The following CERS6 variants were observed in gnomAD, a reference collection of about 807,000 sequenced individuals.
The protein encoded by CERS6 is ceramide synthase 6, also known as LAG1 homolog, ceramide synthase 6.
In CERS6, 26 loss-of-function variants were observed where a neutral mutation model predicts 56.8. That is an observed-to-expected ratio of 0.46 (90% confidence interval 0.34 to 0.63). The LOEUF is 0.63. Ranked by LOEUF, CERS6 falls within the 30% of genes least tolerant of loss-of-function variation. The probability of loss-of-function intolerance (pLI) is 0.01; values close to 1 mark genes in which losing one functional copy is unlikely to be tolerated. For missense variants in CERS6, 415 were observed against 467.5 expected, an observed-to-expected ratio of 0.89 and a Z score of 1.04; for synonymous variants, 164 against 173.3, an observed-to-expected ratio of 0.95 and a Z score of 0.42.
rs74393287 is a variant in CERS6 at position 168,626,831 on chromosome 2, G to A, written c.408-4154G>A. 9.6e-3 allele frequency among the ~76,000 whole-genome samples: 1,462 copies of A among 152,198 alleles called. 10 individuals are homozygous for A. The highest frequency in any genetic ancestry group is 0.027 in the Middle Eastern group (8 of 294). On this transcript the variant is annotated intron_variant, in intron 3 of 9. Transcript: ENST00000305747. ...TTCTGGGAATTGGTGGTCCTTCTGA[G>A]CATCCTCCACAGATCGTTTAGGATT...
chr2:168,528,336 G>T (rs1466443759), intron 1 of CERS6, among the ~76,000 whole-genome samples: 1 of 152,118 alleles, frequency 6.6e-6, no homozygotes, highest in Non-Finnish European at 1.5e-5. Flanking sequence ...CTCTAGTGGG[G>T]GGCTGCCCCC....
intron 2 of CERS6, among the ~76,000 whole-genome samples, chr2:168,548,657 C>A (rs1465625016): frequency 1.3e-5 from 2 of 152,126 alleles, no homozygotes; most frequent in African/African-American, 4.8e-5. Context: ...TATTTCTTTT[C>A]TTGGTATTTG....
chr2:168,698,206 G>A (rs190241490), intron 6 of CERS6, among the ~76,000 whole-genome samples: 22 of 148,316 alleles, frequency 1.5e-4, no homozygotes, highest in Admixed American at 1.1e-3. Context: ...CACTCCAGCC[G>A]GGGTGATAGA....
intron 6 of CERS6, among the ~76,000 whole-genome samples, chr2:168,713,312 TAG>T (rs932008367): frequency 6.6e-6 from 1 of 151,934 alleles, no homozygotes; most frequent in Non-Finnish European, 1.5e-5. Context: ...CTGTCTCCCC[TAG>T]AGAGAGAGAG....
chr2:168,622,396 G>C (rs1684493521), intron 3 of CERS6, among the ~76,000 whole-genome samples: 1 of 152,134 alleles, frequency 6.6e-6, no homozygotes, highest in Non-Finnish European at 1.5e-5. Flanking sequence ...TACCTTCTCT[G>C]TTCTTTACTC....
At chr2:168,647,661 C>T (rs1043784080) in intron 4 of CERS6, among the ~76,000 whole-genome samples, 1 of 152,068 alleles carries the variant, frequency 6.6e-6, no homozygotes, top group Non-Finnish European at 1.5e-5. Flanking sequence ...TCATAGATGG[C>T]TCTTATTATT....
chr2:168,475,569 A>G (rs535499875), intron 1 of CERS6, among the ~76,000 whole-genome samples: 2 of 152,314 alleles, frequency 1.3e-5, no homozygotes, highest in South Asian at 4.1e-4. Flanking sequence ...GGATGTATAA[A>G]CAATAAGGCT....
chr2:168,589,801 T>A (rs1396200097), intron 3 of CERS6, among the ~76,000 whole-genome samples: 1 of 152,244 alleles, frequency 6.6e-6, no homozygotes, highest in East Asian at 1.9e-4. Flanking sequence ...TGCTAATTAT[T>A]GCTTTATTGG....
chr2:168,599,239 G>A (rs1453896112), intron 3 of CERS6, among the ~76,000 whole-genome samples: 2 of 152,134 alleles, frequency 1.3e-5, no homozygotes, highest in East Asian at 1.9e-4. Flanking sequence ...TGTGCTCTGT[G>A]TGGTTCTTTT....
chr2:168,678,553 G>A (rs1484952469), intron 4 of CERS6, among the ~76,000 whole-genome samples: 2 of 152,122 alleles, frequency 1.3e-5, no homozygotes, highest in Admixed American at 1.3e-4. Flanking sequence ...TCCCCCCTGA[G>A]TAGTTGTTCA....
chr2:168,559,754 T>TATATATATATATATATA (rs56014027), intron 2 of CERS6, among the ~76,000 whole-genome samples: 73 of 123,854 alleles, frequency 5.9e-4, no homozygotes, highest in East Asian at 2.1e-3. Flanking sequence ...TATATATATA[T>TATATATATATATATATA]TTCACCCTTA....
At chr2:168,752,314 TGTGTATAGAG>T (rs1684295985) in intron 8 of CERS6, among the ~76,000 whole-genome samples, 1 of 145,452 alleles carries the variant, frequency 6.9e-6, no homozygotes, top group Admixed American at 6.8e-5. Context: ...TGTGTGTGTG[TGTGTATAGAG>T]AGAGAGAGAG....
Position 168,770,956 on chromosome 2 carries a change from GT to G in CERS6, c.*1297del, listed in dbSNP as rs1381870183. On this transcript the variant is annotated 3_prime_UTR_variant, in exon 10 of 10. Transcript: ENST00000305747. ...AATGAGGAAAATTACTGAAGAATAAGTTTCCATAAGTCTCCTACATAGCAGT... is the reference window on the plus strand; with the variant it reads ...AATGAGGAAAATTACTGAAGAATAAGTTCCATAAGTCTCCTACATAGCAGT... 6.6e-6 allele frequency: 1 copy of G among 152,048 alleles called. No individual in the cohort carries two copies. Among genetic ancestry groups the G allele is most frequent in the East Asian group, 1.9e-4 (1 of 5,184 alleles). The allele number at this position is 152,048 out of a possible 1,614,324, so 9.4% of individuals were successfully genotyped here.
At chr2:168,593,805 GT>G (rs1484179495) in intron 3 of CERS6, among the ~76,000 whole-genome samples, 6 of 152,098 alleles carry the variant, frequency 3.9e-5, no homozygotes, top group Admixed American at 3.9e-4. Context: ...TATCTCCTAA[GT>G]TTGCATAAAG....
chr2:168,701,750 A>G (rs542447187), intron 6 of CERS6, among the ~76,000 whole-genome samples: 32 of 152,286 alleles, frequency 2.1e-4, no homozygotes, highest in Admixed American at 5.2e-4. Context: ...TCCCACCTGT[A>G]ATCCCAGCCC....
rs1684958695 is a variant in CERS6 at position 168,774,720 on chromosome 2, C to A, written c.*5058C>A. 1 of 151,948 alleles carries A rather than the reference C, an allele frequency of 6.6e-6. No homozygotes were observed. Among genetic ancestry groups the A allele is most frequent in the Non-Finnish European group, 1.5e-5 (1 of 68,004 alleles). 9.4% of individuals were successfully genotyped at this position (151,948 alleles called of 1,614,324 possible). A position where few individuals can be genotyped will look rare whatever the true frequency, so the allele number is the denominator to read the frequency against. On this transcript the variant is annotated 3_prime_UTR_variant, in exon 10 of 10. Transcript: ENST00000305747. ...GAAACTTTAACTTAGAGCTTCATTACTTTAAGAATGGAAAACAACCTCTGA... is the reference window on the plus strand; with the variant it reads ...GAAACTTTAACTTAGAGCTTCATTAATTTAAGAATGGAAAACAACCTCTGA...
intron 8 of CERS6, among the ~76,000 whole-genome samples, chr2:168,738,439 T>C (rs1683781317): frequency 6.6e-6 from 1 of 152,260 alleles, no homozygotes; most frequent in African/African-American, 2.4e-5. Flanking sequence ...TGAATTATTC[T>C]TGTTATATAA....
chr2:168,516,316 C>G (rs1465067793), intron 1 of CERS6, among the ~76,000 whole-genome samples: 1 of 152,066 alleles, frequency 6.6e-6, no homozygotes, highest in Admixed American at 6.5e-5. Context: ...GGAACATGTC[C>G]AGAATCAGGC....
At chr2:168,457,416 A>G (rs939676156) in intron 1 of CERS6, among the ~76,000 whole-genome samples, 1 of 152,138 alleles carries the variant, frequency 6.6e-6, no homozygotes, top group African/African-American at 2.4e-5. Context: ...GTTTGGTTGG[A>G]TATCTCCATT....
Sources: allele counts gnomAD v4.1 joint callset (sites outside exome capture counted in the v4.1 genomes callset), GRCh38; gene constraint gnomAD v4.1.1; transcripts MANE v1.5; gene names NCBI Gene and HGNC (gene_info 2026-07-23, HGNC 2026-07-21).